Variants in ACTR6 observed in about 807,000 individuals in gnomAD.
The protein encoded by ACTR6 is actin-related protein 6.
A neutral mutation model predicts 52.5 loss-of-function variants in ACTR6; 50 were observed. The observed-to-expected ratio is 0.95, with a 90% CI of 0.76 to 1.20. The LOEUF (loss-of-function observed/expected upper bound fraction) is 1.20, where lower values mean the gene tolerates loss of function less well. ACTR6 is among the 50% of genes most tolerant of loss of function. The pLI, the probability that ACTR6 is intolerant of heterozygous loss-of-function variation, is 0.00. For missense variants in ACTR6, 344 were observed against 472.4 expected (o/e 0.73, Z 2.52); for synonymous variants, 135 against 147.2 (o/e 0.92, Z 0.60).
At chr12:100,214,457 T>A (rs2096122389) in intron 8 of ACTR6, among the ~76,000 whole-genome samples, 1 of 151,722 alleles carries the variant, frequency 6.6e-6, no homozygotes, top group Admixed American at 6.6e-5. Context: ...TCCTTATGGC[T>A]GTGTGTGGTG....
At chr12:100,211,857 T>C (rs1279746481) in intron 6 of ACTR6, among the ~76,000 whole-genome samples, 5 of 152,170 alleles carry the variant, frequency 3.3e-5, no homozygotes, top group African/African-American at 1.2e-4. Flanking sequence ...AGTCAAACAT[T>C]TATTGAACAG....
intron 8 of ACTR6, among the ~76,000 whole-genome samples, chr12:100,213,989 A>G (rs1261666784): frequency 6.6e-6 from 1 of 152,256 alleles, no homozygotes; most frequent in African/African-American, 2.4e-5. Flanking sequence ...GAAGGAGATT[A>G]ATTTTTGATA....
chr12:100,216,022 T>A (rs893172513), intron 8 of ACTR6, among the ~76,000 whole-genome samples: 10 of 152,316 alleles, frequency 6.6e-5, no homozygotes, highest in African/African-American at 2.4e-4. Flanking sequence ...TTCTTTCTTA[T>A]CAGAAAGAGG....
chr12:100,210,613 G>A (rs1387624694), intron 6 of ACTR6, among the ~76,000 whole-genome samples: 4 of 151,770 alleles, frequency 2.6e-5, no homozygotes, highest in Non-Finnish European at 5.9e-5. Flanking sequence ...CAGCTACTCG[G>A]GAGGCTGAGG....
At chr12:100,205,826 T>C in intron 3 of ACTR6, 82 bp downstream of exon 3, 3 of 801,142 alleles carry the variant, frequency 3.7e-6, no homozygotes, top group Non-Finnish European at 5.6e-6. Flanking sequence ...TTAAGATTTA[T>C]AAACTTATGA....
rs1436621756 is a variant in ACTR6, at chr12:100,210,347, T to C, written c.568T>C (p.Tyr190His). ...CAATCATCTAAAGGAGATCATATCT[T>C]ACAGGTGATGCTTAGCTTTGATTCT... ...LTNHLKEIISYRQLHVMDETH... is the reference protein window; with the variant it reads ...LTNHLKEIISHRQLHVMDETH... Residue 190 changes from tyrosine to histidine, a missense_variant, in exon 6 of 11, where the codon TAC becomes CAC. Physicochemically the swap from Tyr to His is moderately conservative, Grantham distance 83 (BLOSUM62 2). Transcript: ENST00000188312. 6.2e-7 allele frequency: 1 copy of C among 1,613,922 alleles called. No homozygotes were observed. The highest frequency in any genetic ancestry group is 2.2e-5 in the East Asian group (1 of 44,858).
At position 100,218,605 on chromosome 12, in the gene ACTR6, A is replaced by AGTTTAAGTTATATTATC. The variant is rs758666163; in HGVS notation, c.922+19_922+20insGTTTAAGTTATATTATC. 7.2e-7 allele frequency: 1 copy of AGTTTAAGTTATATTATC among 1,390,322 alleles called. No homozygotes were observed. Among genetic ancestry groups the AGTTTAAGTTATATTATC allele is most frequent in the Non-Finnish European group, 9.5e-7 (1 of 1,053,544 alleles). The allele number at this position is 1,390,322 out of a possible 1,614,324, so 86.1% of individuals were successfully genotyped here. A position where few individuals can be genotyped will look rare whatever the true frequency, so the allele number is the denominator to read the frequency against. ...CCTGAAGGTACATAAATAGAGTAAA[A>AGTTTAAGTTATATTATC]TACTAAAGAATTATAATTGTTTTAA... On this transcript the variant is annotated intron_variant, in intron 9 of 10. Coordinates refer to ENST00000188312, the MANE Select transcript of ACTR6 (RefSeq NM_022496.5). This position sits in a 1 kb window ranked among gnomAD's most constrained non-coding sequence, Gnocchi z 4.2.
Position 100,206,895 on chromosome 12 carries a change from G to A in ACTR6, c.256-768G>A, listed in dbSNP as rs1185437760. Among the ~76,000 whole-genome samples, 3 of 150,178 alleles carry A rather than the reference G, an allele frequency of 2.0e-5. No homozygotes were observed. The East Asian group carries it at 5.8e-4, about 29-fold the overall frequency. On this transcript the variant is annotated intron_variant, in intron 3 of 10. Transcript: ENST00000188312. Reference sequence around the variant, plus strand: ...GGGTTTCACCGTGTTGGCCAGGCTGGTCTGGAACTCCTGACCTCAGGTGAT... The same window carrying A: ...GGGTTTCACCGTGTTGGCCAGGCTGATCTGGAACTCCTGACCTCAGGTGAT...
chr12:100,210,563 ACAAAAATTAGC>A (rs2096119024), intron 6 of ACTR6, among the ~76,000 whole-genome samples: 1 of 152,022 alleles, frequency 6.6e-6, no homozygotes, highest in African/African-American at 2.4e-5. Flanking sequence ...TACTAAAAAT[ACAAAAATTAGC>A]CAGGTGTGGT....
chr12:100,203,597 C>G (rs1344600342), intron 1 of ACTR6: 1 of 151,704 alleles, frequency 6.6e-6, no homozygotes, highest in Admixed American at 6.6e-5. Flanking sequence ...AGCCACTGCT[C>G]CCGGCTGGAA....
At position 100,212,335 on chromosome 12, in the gene ACTR6, A is replaced by G; in HGVS notation, c.652A>G (p.Arg218Gly). 1 of 1,610,544 alleles carries G rather than the reference A, an allele frequency of 6.2e-7. No homozygotes were observed. Among genetic ancestry groups the G allele is most frequent in the Non-Finnish European group, 8.5e-7 (1 of 1,177,488 alleles). The change falls in exon 7 of 11, where the codon AGA (arginine) becomes GGA (glycine). Residue 218 changes from arginine to glycine, a missense_variant. By Grantham distance (125) the Arg-to-Gly change is moderately radical. Transcript: ENST00000188312. Reference sequence around the variant, plus strand: ...ATGCTATGTGTCTCAGGATTTTTATAGAGACATGGATATTGCAAAGTATGT... The same window carrying G: ...ATGCTATGTGTCTCAGGATTTTTATGGAGACATGGATATTGCAAAGTATGT... Reference protein sequence around the residue: ...DVCYVSQDFYRDMDIAKLKGE... With the variant: ...DVCYVSQDFYGDMDIAKLKGE...
intron 1 of ACTR6, 33 bp from the exon 2 acceptor site, chr12:100,204,907 T>G: frequency 1.4e-6 from 2 of 1,398,482 alleles, no homozygotes; most frequent in East Asian, 2.3e-5. Flanking sequence ...AACTAAATAT[T>G]TAGGGGATAA....
Position 100,223,860 on chromosome 12 carries a change from GAGA to G in ACTR6, c.1140_1142del (p.Glu380del), listed in dbSNP as rs1399939400. The G allele has an allele frequency of 6.2e-7, 1 of 1,611,676 alleles. No individual in the cohort carries two copies. The highest frequency in any genetic ancestry group is 1.7e-5 in the Admixed American group (1 of 59,510). On this transcript the variant is annotated inframe_deletion, in exon 11 of 11. Coordinates refer to ENST00000188312, the MANE Select transcript of ACTR6 (RefSeq NM_022496.5). ...GATTTTGAAGATATGGTGGTAACAA[GAGA>G]AGATTACGAAGAAAATGGACATAGC...
chr12:100,202,217 C>T (rs2096110346), intron 1 of ACTR6, among the ~76,000 whole-genome samples: 1 of 152,080 alleles, frequency 6.6e-6, no homozygotes, highest in Admixed American at 6.6e-5. Context: ...AGGTGTGAGC[C>T]ACCGCACCGG....
intron 6 of ACTR6, among the ~76,000 whole-genome samples, chr12:100,212,005 A>C (rs1566294356): frequency 6.6e-6 from 1 of 152,190 alleles, no homozygotes; most frequent in Non-Finnish European, 1.5e-5. Flanking sequence ...TAGTTAGATA[A>C]ACCCCACTTA....
At chr12:100,215,633 C>G (rs2096123391) in intron 8 of ACTR6, among the ~76,000 whole-genome samples, 1 of 152,146 alleles carries the variant, frequency 6.6e-6, no homozygotes, top group Non-Finnish European at 1.5e-5. Context: ...GGGCTTTTGG[C>G]AGATGATACA....
chr12:100,210,063 T>C lies in ACTR6; in HGVS notation c.380-10T>C. On this transcript the variant is annotated splice_polypyrimidine_tract_variant and intron_variant, in intron 4 of 10. Coordinates refer to ENST00000188312, the MANE Select transcript of ACTR6 (RefSeq NM_022496.5). ...TATTTTTGTTCACTTTTTTATCTTT[T>C]TTTAAATAGCTGGGGCTCTCAGTGC... 6.4e-7 allele frequency: 1 copy of C among 1,564,914 alleles called. No homozygotes were observed. Among genetic ancestry groups the C allele is most frequent in the Non-Finnish European group, 8.6e-7 (1 of 1,164,458 alleles).
chr12:100,210,918 C>T (rs1014450776), intron 6 of ACTR6, among the ~76,000 whole-genome samples: 1 of 152,112 alleles, frequency 6.6e-6, no homozygotes, highest in Admixed American at 6.6e-5. Flanking sequence ...CTGACTGTGT[C>T]GCTGACCCCT....
At chr12:100,207,823 C>A (rs2096116163) in intron 4 of ACTR6, 37 bp downstream of exon 4, 1 of 1,574,364 alleles carries the variant, frequency 6.4e-7, no homozygotes, top group Non-Finnish European at 8.7e-7. Flanking sequence ...AGTTATATGA[C>A]TATGGATATG....
Sources: gnomAD v4.1 joint callset for allele counts (sites outside exome capture counted in the v4.1 genomes callset) on GRCh38, gnomAD v4.1.1 for gene constraint, Gnocchi (gnomAD v3.1) non-coding constraint, MANE v1.5 for transcripts, NCBI Gene and HGNC (gene_info 2026-07-23, HGNC 2026-07-21) for gene names.